Variants in OGFOD2 observed in about 807,000 individuals in gnomAD.
OGFOD2 encodes the protein 2-oxoglutarate and iron-dependent oxygenase domain-containing protein 2.
OGFOD2 carries 34 observed loss-of-function variants against 31.1 expected under a neutral mutation model. The observed-to-expected ratio is 1.09, with a 90% CI of 0.83 to 1.45. OGFOD2 has a LOEUF of 1.45. Ranked by LOEUF, OGFOD2 falls within the 40% of genes most tolerant of loss-of-function variation. The pLI is 0.00. For missense variants in OGFOD2, 537 were observed against 433.9 expected (o/e 1.24, Z -2.11); for synonymous variants, 240 against 192.3 (o/e 1.25, Z -2.05).
intron 1 of OGFOD2, 134 bp downstream of exon 1, chr12:122,975,517 C>T (rs1416946355): frequency 1.2e-5 from 7 of 594,020 alleles, no homozygotes; most frequent in Non-Finnish European, 2.1e-5. Context: ...CGGCCTCTCT[C>T]TGCCTCGGTT....
intron 5 of OGFOD2, 76 bp from the exon 6 acceptor site, chr12:122,978,677 G>C: frequency 6.3e-7 from 1 of 1,587,044 alleles, no homozygotes; most frequent in Non-Finnish European, 8.6e-7. Flanking sequence ...GAAGGTCACA[G>C]TGGGATCACC....
Position 122,976,012 on chromosome 12 carries a change from C to T in OGFOD2, c.189+145C>T, listed in dbSNP as rs967324920. On this transcript the variant is annotated intron_variant, in intron 2 of 6. Transcript: ENST00000228922. ...TCCTCCTTCCTGCCCCCCACTCATC[C>T]CTCCACACCTGAGTCTTGGCACCAG... 24 of 623,432 alleles carry T rather than the reference C, an allele frequency of 3.8e-5. No homozygotes were observed. In the African/African-American group the frequency reaches 4.0e-4, roughly 10 times the overall value. 38.6% of individuals were successfully genotyped at this position (623,432 alleles called of 1,614,324 possible).
In OGFOD2 at chr12:122,978,587, G is replaced by A. The variant is rs201865128; in HGVS notation, c.531+18G>A. 11 of 1,606,896 alleles carry A rather than the reference G, an allele frequency of 6.8e-6. No homozygotes were observed. Among genetic ancestry groups the A allele is most frequent in the East Asian group, 2.2e-5 (1 of 44,656 alleles). ...ACTACGGGGTGGGTGAGGCCTGGCC[G>A]GTGGCAGAGGAGGGGGTGGCTGGGG... is the stretch of plus-strand genomic sequence containing the variant. On this transcript the variant is annotated intron_variant, in intron 5 of 6. Transcript: ENST00000228922.
chr12:122,979,506 T>G, exon 7 of OGFOD2: 3 of 959,340 alleles, frequency 3.1e-6, no homozygotes, highest in South Asian at 3.6e-5. Flanking sequence ...TTAGTTCAGG[T>G]TTGTCAGAAG....
exon 6 of OGFOD2, chr12:122,978,928 A>C (rs753124851): frequency 6.2e-7 from 1 of 1,613,244 alleles, no homozygotes. Context: ...GGCTGCCACT[A>C]TGATAATGCC....
chr12:122,978,197 T>G, intron 4 of OGFOD2: 1 of 440,316 alleles, frequency 2.3e-6, no homozygotes, highest in Non-Finnish European at 4.2e-6. Flanking sequence ...TCAGGACCCA[T>G]ATGTGAGCTC....
chr12:122,978,975 A>C, exon 6 of OGFOD2: 1 of 1,613,140 alleles, frequency 6.2e-7, no homozygotes, highest in Non-Finnish European at 8.5e-7. Flanking sequence ...CAAGGTCTTC[A>C]CAGGGGGCGC....
rs761891004 is a variant in OGFOD2 at position 122,978,433 on chromosome 12, C to T, written c.404-9C>T. 2 of 1,612,876 alleles carry T rather than the reference C, an allele frequency of 1.2e-6. No individual in the cohort carries two copies. Among genetic ancestry groups the T allele is most frequent in the South Asian group, 1.1e-5 (1 of 91,056 alleles). Reference sequence around the variant, plus strand: ...CATTCAGGCCAACAGACCATCCCTCCTTCCACAGAGGAGAAGCGCATCTAC... The same window carrying T: ...CATTCAGGCCAACAGACCATCCCTCTTTCCACAGAGGAGAAGCGCATCTAC... On this transcript the variant is annotated splice_polypyrimidine_tract_variant and intron_variant, in intron 4 of 6. Coordinates refer to ENST00000228922, the Ensembl canonical transcript of OGFOD2.
exon 1 of OGFOD2, chr12:122,975,315 T>A: frequency 1.4e-6 from 1 of 702,326 alleles, no homozygotes; most frequent in South Asian, 1.5e-5. Context: ...CGATAACTTG[T>A]ACGTGGCGCG....
chr12:122,975,968 G>T, intron 2 of OGFOD2, 101 bp downstream of exon 2: 1 of 668,968 alleles, frequency 1.5e-6, no homozygotes, highest in Admixed American at 2.0e-5. Context: ...TCCCTGAAGG[G>T]TCACTTAGGC....
chr12:122,979,358 C>T lies in OGFOD2; in HGVS notation c.*12C>T, dbSNP rs899215916. The T allele has an allele frequency of 5.7e-6, 9 of 1,588,272 alleles. No homozygotes were observed. The Admixed American group carries it at 8.5e-5, about 15-fold the overall frequency. On this transcript the variant is annotated 3_prime_UTR_variant, in exon 7 of 7. Transcript: ENST00000228922. The stretch of plus-strand genomic sequence containing the variant: ...GTGCGCTCACCTGAGCTTGCTTGGG[C>T]CCAGTGTGGGGGTGGCAGGCAGGTG...
intron 1 of OGFOD2, 98 bp from the exon 2 acceptor site, chr12:122,975,713 G>A (rs878866831): frequency 1.5e-6 from 1 of 672,200 alleles, no homozygotes; most frequent in Admixed American, 2.0e-5. Flanking sequence ...TGAGGTCGGG[G>A]CTCCTCTCCC....
chr12:122,979,052 A>G (rs1566214140), intron 6 of OGFOD2, 31 bp from the exon 7 acceptor site: 1 of 1,603,818 alleles, frequency 6.2e-7, no homozygotes, highest in Non-Finnish European at 8.5e-7. Flanking sequence ...GGCAGCTGTG[A>G]GTGCCCAGGC....
At chr12:122,979,718 T>C in exon 7 of OGFOD2, 1 of 246,790 alleles carries the variant, frequency 4.1e-6, no homozygotes, top group Non-Finnish European at 7.9e-6. Context: ...AGTGAATAAC[T>C]TCCCAGACAC....
intron 5 of OGFOD2, 51 bp from the exon 6 acceptor site, chr12:122,978,702 C>T (rs377733533): frequency 1.3e-6 from 2 of 1,588,992 alleles, no homozygotes; most frequent in African/African-American, 1.3e-5. Flanking sequence ...AGTGGAAGCC[C>T]AGGGTTGCAG....
exon 7 of OGFOD2, chr12:122,979,229 G>A: frequency 6.2e-7 from 1 of 1,612,688 alleles, no homozygotes; most frequent in Non-Finnish European, 8.5e-7. Flanking sequence ...CCTCTGCTGT[G>A]CGCAACAGCC....
At chr12:122,978,563 C>T in exon 5 of OGFOD2, 1 of 1,612,680 alleles carries the variant, frequency 6.2e-7, no homozygotes, top group Non-Finnish European at 8.5e-7. Context: ...CCATGAACAA[C>T]TACGGGGTGG....
chr12:122,975,607 A>G (rs1248714090), intron 1 of OGFOD2: 4 of 601,384 alleles, frequency 6.7e-6, no homozygotes, highest in Non-Finnish European at 1.2e-5. Flanking sequence ...TGCTTAGGAC[A>G]GGGCCGGGCT....
exon 7 of OGFOD2, chr12:122,979,965 G>A (rs983472355): frequency 2.7e-6 from 1 of 377,230 alleles, no homozygotes. Context: ...TGGTGCCTTC[G>A]TTTCCTCATT....
Sources: gnomAD v4.1 joint callset for allele counts on GRCh38, gnomAD v4.1.1 for gene constraint, MANE v1.5 for transcripts, NCBI Gene and HGNC (gene_info 2026-07-23, HGNC 2026-07-21) for gene names.